TMEM44: variants seen among roughly 807,000 people sequenced by gnomAD.
TMEM44 encodes the protein transmembrane protein 44.
In TMEM44, 43 loss-of-function variants were observed where a neutral mutation model predicts 47.8. That is an observed-to-expected ratio of 0.90 (90% CI 0.70 to 1.16). The LOEUF (loss-of-function observed/expected upper bound fraction) is 1.16, where lower values mean the gene tolerates loss of function less well. Among genes scored for constraint, TMEM44 ranks in the 50% most tolerant of loss-of-function variants. The probability of loss-of-function intolerance (pLI) is 0.00; values close to 1 mark genes in which losing one functional copy is unlikely to be tolerated. For missense variants in TMEM44, 568 were observed against 555.2 expected (o/e 1.02, Z -0.23); for synonymous variants, 277 against 238.8 (o/e 1.16, Z -1.48).
chr3:194,608,199 T>C (rs1714963609), intron 8 of TMEM44, among the ~76,000 whole-genome samples: 1 of 152,222 alleles, frequency 6.6e-6, no homozygotes, highest in Non-Finnish European at 1.5e-5. Context: ...AAGTGGGCTC[T>C]TAGCTACAAA....
chr3:194,632,685 T>G (rs1717943160), intron 1 of TMEM44, among the ~76,000 whole-genome samples: 1 of 152,182 alleles, frequency 6.6e-6, no homozygotes, highest in Admixed American at 6.5e-5. Flanking sequence ...ACTAAGTGCT[T>G]TAACGGTACT....
chr3:194,613,836 G>A (rs1715592293), intron 7 of TMEM44, among the ~76,000 whole-genome samples: 1 of 150,608 alleles, frequency 6.6e-6, no homozygotes, highest in Non-Finnish European at 1.5e-5. Flanking sequence ...TAAAAAAACA[G>A]AATAGGCCGG....
Position 194,628,469 on chromosome 3 carries a change from G to C in TMEM44, c.178C>G (p.Gln60Glu). Residue 60 changes from glutamine to glutamate, a missense_variant, in exon 2 of 10, where the codon CAG (glutamine) becomes GAG (glutamate). Transcript: ENST00000347147. ...LRCAQKPRQD[Q>E]SALCAACCLL... Reference sequence around the variant, plus strand: ...CAGCACGCAGCACACAGTGCCGACTGGTCCTGTCTGGGTTTCTGTGCACAT... The same window carrying C: ...CAGCACGCAGCACACAGTGCCGACTCGTCCTGTCTGGGTTTCTGTGCACAT... 6.2e-7 allele frequency: 1 copy of C among 1,613,618 alleles called. No individual in the cohort carries two copies. The highest frequency in any genetic ancestry group is 1.1e-5 in the South Asian group (1 of 90,954).
At chr3:194,595,744 GCCT>G (rs958616038) in intron 9 of TMEM44, among the ~76,000 whole-genome samples, 2 of 151,902 alleles carry the variant, frequency 1.3e-5, no homozygotes, top group Non-Finnish European at 2.9e-5. Context: ...TCCTGCCTCA[GCCT>G]CCTGAGTAGC....
At chr3:194,628,634 C>A in intron 1 of TMEM44, 125 bp from the exon 2 acceptor site, 1 of 1,218,690 alleles carries the variant, frequency 8.2e-7, no homozygotes, top group Non-Finnish European at 1.1e-6. Context: ...GTATTTAGGA[C>A]GTGTTTTTGA....
intron 8 of TMEM44, among the ~76,000 whole-genome samples, chr3:194,605,499 GA>G (rs1714677352): frequency 6.6e-6 from 1 of 152,230 alleles, no homozygotes; most frequent in African/African-American, 2.4e-5. Context: ...GAAGGCAAAG[GA>G]GGAGCAAGTC....
rs1475648726 is a variant in TMEM44 at position 194,633,240 on chromosome 3, G to A, written c.-25C>T. 7.9e-7 allele frequency: 1 copy of A among 1,263,600 alleles called. No homozygotes were observed. Among genetic ancestry groups the A allele is most frequent in the Non-Finnish European group, 1.0e-6 (1 of 997,932 alleles). 78.3% of individuals were successfully genotyped at this position (1,263,600 alleles called of 1,614,324 possible). A position where few individuals can be genotyped will look rare whatever the true frequency, so the allele number is the denominator to read the frequency against. ...TGGCGCGGCTGGGCGCGCGGCGCGG[G>A]GCCGGGGACCTGGGCGCAGCCTCCC... On this transcript the variant is annotated 5_prime_UTR_variant, in exon 1 of 10. Coordinates refer to ENST00000347147, the MANE Select transcript of TMEM44 (RefSeq NM_001011655.3).
rs1435742554 is a variant in TMEM44 at position 194,617,120 on chromosome 3, G to A, written c.762C>T (p.Gly254=). The part of the protein sequence containing the change: ...RATPWFLTSL[G]RAALDLAIIF... ...ATACAGCGAGGTCCAGTGCCGCACG[G>A]CCGAGGGAGGTCAGGAACCAGGGTG... is the stretch of plus-strand genomic sequence containing the variant. Residue 254 remains glycine, a synonymous_variant, in exon 6 of 10, where the codon GGC becomes GGT. Transcript: ENST00000347147. 6.4e-7 allele frequency: 1 copy of A among 1,554,274 alleles called. No individual in the cohort carries two copies. The highest frequency in any genetic ancestry group is 1.9e-5 in the Admixed American group (1 of 51,400).
intron 4 of TMEM44, 56 bp from the exon 5 acceptor site, chr3:194,623,366 C>G (rs1716787327): frequency 1.3e-6 from 2 of 1,540,326 alleles, no homozygotes; most frequent in Non-Finnish European, 1.8e-6. Context: ...TGCCCATGTG[C>G]CCCAAGAAAC....
chr3:194,612,795 G>A (rs1367312059), intron 7 of TMEM44, among the ~76,000 whole-genome samples: 2 of 152,064 alleles, frequency 1.3e-5, no homozygotes, highest in Non-Finnish European at 2.9e-5. Context: ...CTCCCGAGTA[G>A]CTGGGACTAC....
chr3:194,591,310 T>C (rs1270593530), intron 9 of TMEM44, among the ~76,000 whole-genome samples: 1 of 151,952 alleles, frequency 6.6e-6, no homozygotes, highest in East Asian at 2.0e-4. Context: ...CTGGCCAACA[T>C]GGTGAAACCC....
intron 7 of TMEM44, among the ~76,000 whole-genome samples, chr3:194,612,663 A>C (rs1310819516): frequency 3.3e-5 from 5 of 151,694 alleles, no homozygotes; most frequent in African/African-American, 4.8e-5. Flanking sequence ...GAGCCATTTT[A>C]TATTCAAGTC....
chr3:194,613,888 C>T (rs951485458), intron 7 of TMEM44, among the ~76,000 whole-genome samples: 2 of 151,416 alleles, frequency 1.3e-5, no homozygotes, highest in South Asian at 2.1e-4. Context: ...TTTGGGAAGC[C>T]GAGGTGGGCG....
intron 3 of TMEM44, 105 bp from the exon 4 acceptor site, chr3:194,623,800 G>A (rs1716850919): frequency 1.4e-6 from 2 of 1,455,556 alleles, no homozygotes; most frequent in African/African-American, 1.4e-5. Flanking sequence ...TGATGCTGAA[G>A]CGGGTTCCCA....
chr3:194,631,002 G>A (rs1213715183), intron 1 of TMEM44, among the ~76,000 whole-genome samples: 19 of 142,798 alleles, frequency 1.3e-4, no homozygotes, highest in South Asian at 4.6e-4. Context: ...ATACGCTGTT[G>A]TACCTGCCTC....
At chr3:194,622,327 A>G (rs1716633763) in intron 5 of TMEM44, among the ~76,000 whole-genome samples, 1 of 152,164 alleles carries the variant, frequency 6.6e-6, no homozygotes, top group Non-Finnish European at 1.5e-5. Context: ...GCTCATTTGA[A>G]GAGCGTAGGA....
chr3:194,629,972 C>A (rs1717612154), intron 1 of TMEM44, among the ~76,000 whole-genome samples: 1 of 60,360 alleles, frequency 1.7e-5, no homozygotes, highest in African/African-American at 6.8e-5. Flanking sequence ...ATCGGCGTCA[C>A]TGATAGGGCC....
chr3:194,599,197 T>A (rs1713773157), intron 9 of TMEM44, among the ~76,000 whole-genome samples: 1 of 151,932 alleles, frequency 6.6e-6, no homozygotes, highest in African/African-American at 2.4e-5. Context: ...TCCGGAAGAG[T>A]AAGGCGGGGG....
At chr3:194,592,836 A>ACTCCTGAC (rs1341570810) in intron 9 of TMEM44, among the ~76,000 whole-genome samples, 5 of 151,230 alleles carry the variant, frequency 3.3e-5, no homozygotes, top group Non-Finnish European at 5.9e-5. Flanking sequence ...CTGGTCTTGA[A>ACTCCTGAC]CTCCTGACCT....
Sources: gnomAD v4.1 joint callset for allele counts (sites outside exome capture counted in the v4.1 genomes callset) on GRCh38, gnomAD v4.1.1 for gene constraint, MANE v1.5 for transcripts, NCBI Gene and HGNC (gene_info 2026-07-23, HGNC 2026-07-21) for gene names.